Variants in RPA1 observed in about 807,000 individuals in gnomAD.
RPA1 encodes replication protein A 70 kDa DNA-binding subunit.
In RPA1, 49 loss-of-function variants were observed where a neutral mutation model predicts 83.0. That is an observed-to-expected ratio of 0.59 (90% CI 0.47 to 0.75). The LOEUF is 0.75. Among genes scored for constraint, RPA1 ranks in the 30% least tolerant of loss-of-function variants. RPA1 has a pLI of 0.00. For missense variants in RPA1, 693 were observed against 776.1 expected (o/e 0.89, Z 1.27); for synonymous variants, 279 against 281.8 (o/e 0.99, Z 0.10).
At chr17:1,874,042 C>T (rs1208623607) in intron 6 of RPA1, among the ~76,000 whole-genome samples, 5 of 141,660 alleles carry the variant, frequency 3.5e-5, no homozygotes, top group African/African-American at 1.1e-4. Flanking sequence ...TACACACACA[C>T]ACACACACAC....
At position 1,877,203 on chromosome 17, in the gene RPA1, G is replaced by T; in HGVS notation, c.588-9G>T. The T allele has an allele frequency of 6.2e-7, 1 of 1,613,124 alleles. No individual in the cohort carries two copies. Among genetic ancestry groups the T allele is most frequent in the Non-Finnish European group, 8.5e-7 (1 of 1,179,098 alleles). ...CCCCATACACTAATATGATCGATTT[G>T]GTTTGTAGGTGGACCATTTGTGCTC... is the stretch of plus-strand genomic sequence containing the variant. On this transcript the variant is annotated splice_polypyrimidine_tract_variant and intron_variant, in intron 7 of 16. Transcript: ENST00000254719.
chr17:1,872,353 C>G, intron 5 of RPA1, 81 bp from the exon 6 acceptor site: 1 of 1,550,134 alleles, frequency 6.5e-7, no homozygotes, highest in South Asian at 1.2e-5. Context: ...TACACTTTCC[C>G]AGAGCATTCC....
At chr17:1,851,004 G>A (rs1243110819) in intron 4 of RPA1, among the ~76,000 whole-genome samples, 1 of 152,108 alleles carries the variant, frequency 6.6e-6, no homozygotes, top group Non-Finnish European at 1.5e-5. Context: ...ATACACAGTA[G>A]TCTGATGAAT....
At chr17:1,849,422 A>G (rs1220998407) in intron 4 of RPA1, among the ~76,000 whole-genome samples, 2 of 149,964 alleles carry the variant, frequency 1.3e-5, no homozygotes, top group Non-Finnish European at 3.0e-5. Flanking sequence ...CCTCCCCAGT[A>G]GCTGGGACTA....
chr17:1,842,047 A>T (rs563887008), intron 1 of RPA1, among the ~76,000 whole-genome samples: 23 of 151,938 alleles, frequency 1.5e-4, no homozygotes, highest in Non-Finnish European at 2.6e-4. Flanking sequence ...TTTTAAACAG[A>T]GTCTCGCTAT....
rs750267989 is a variant in RPA1, at chr17:1,844,035, T to C, written c.163+37T>C. 15 of 1,578,646 alleles carry C rather than the reference T, an allele frequency of 9.5e-6. No homozygotes were observed. In the South Asian group the frequency reaches 1.6e-4, roughly 16 times the overall value. ...GTATCCATCTAGAAATGTGTGAGTA[T>C]TTAAATAGTAGAAGCACACCTGGTC... On this transcript the variant is annotated intron_variant, in intron 3 of 16. Coordinates refer to ENST00000254719, the MANE Select transcript of RPA1 (RefSeq NM_002945.5).
At chr17:1,840,076 A>T (rs919189367) in intron 1 of RPA1, among the ~76,000 whole-genome samples, 6 of 151,534 alleles carry the variant, frequency 4.0e-5, no homozygotes, top group Admixed American at 6.6e-5. Context: ...CTTTGCATAC[A>T]CTGAAGTATA....
At chr17:1,888,245 G>A (rs1914067175) in intron 13 of RPA1, among the ~76,000 whole-genome samples, 1 of 152,202 alleles carries the variant, frequency 6.6e-6, no homozygotes, top group Non-Finnish European at 1.5e-5. Flanking sequence ...GAGCGCGGGA[G>A]GGATGGTTGA....
chr17:1,862,717 C>CTTTTTT (rs71150827), intron 5 of RPA1, among the ~76,000 whole-genome samples: 6 of 51,786 alleles, frequency 1.2e-4, no homozygotes, highest in African/African-American at 2.2e-4. Flanking sequence ...CTGTGCCCAG[C>CTTTTTT]TTTTTTTTTT....
At chr17:1,883,679 A>G (rs1176207660) in intron 12 of RPA1, 133 bp from the exon 13 acceptor site, 4 of 863,552 alleles carry the variant, frequency 4.6e-6, no homozygotes, top group African/African-American at 1.7e-5. Flanking sequence ...TTCAGCCGAC[A>G]TGACCGTGAC....
chr17:1,872,526 G>C lies in RPA1; in HGVS notation c.454G>C (p.Gly152Arg). 2 of 1,613,484 alleles carry C rather than the reference G, an allele frequency of 1.2e-6. No homozygotes were observed. Among genetic ancestry groups the C allele is most frequent in the Admixed American group, 1.7e-5 (1 of 59,982 alleles). Residue 152 changes from glycine to arginine, a missense_variant and splice_region_variant, in exon 6 of 17, where the codon GGT (glycine) becomes CGT (arginine). Gly to Arg is a moderately radical substitution (Grantham distance 125). Coordinates refer to ENST00000254719, the MANE Select transcript of RPA1 (RefSeq NM_002945.5). ...PQPQNGSSGM[G>R]STVSKAYGAS... ...GCCGCAGAATGGAAGCTCGGGAATGGGTGAGATGCCTCACGGGGCGTGCGC... is the reference window on the plus strand; with the variant it reads ...GCCGCAGAATGGAAGCTCGGGAATGCGTGAGATGCCTCACGGGGCGTGCGC...
At chr17:1,846,854 A>G (rs988779750) in intron 4 of RPA1, among the ~76,000 whole-genome samples, 1 of 152,084 alleles carries the variant, frequency 6.6e-6, no homozygotes, top group Admixed American at 6.5e-5. Flanking sequence ...GTAATAGTAC[A>G]GTTTTTAGTT....
chr17:1,882,728 T>G (rs1039846910), intron 12 of RPA1, among the ~76,000 whole-genome samples: 4 of 152,210 alleles, frequency 2.6e-5, no homozygotes. Flanking sequence ...GAAACACTTT[T>G]GCTACCACGG....
At chr17:1,865,349 G>T (rs2151280971) in intron 5 of RPA1, among the ~76,000 whole-genome samples, 1 of 152,276 alleles carries the variant, frequency 6.6e-6, no homozygotes, top group Middle Eastern at 3.4e-3. Context: ...TAAGTACATA[G>T]ATCGTGTGAG....
Position 1,842,816 on chromosome 17 carries a change from A to G in RPA1, c.47A>G (p.Lys16Arg). 1 of 1,614,132 alleles carries G rather than the reference A, an allele frequency of 6.2e-7. No homozygotes were observed. Among genetic ancestry groups the G allele is most frequent in the African/African-American group, 1.3e-5 (1 of 75,054 alleles). The change falls in exon 2 of 17, where the codon AAG (lysine) becomes AGG (arginine). Residue 16 changes from lysine to arginine, a missense_variant. Physicochemically the swap from Lys to Arg is conservative, Grantham distance 26. Transcript: ENST00000254719. ...TTACTCCCTCAGGCCATCATGCAGA[A>G]GGGGGATACAAACATAAAGCCCATC... ...SEGAIAAIMQ[K>R]GDTNIKPILQ...
intron 14 of RPA1, among the ~76,000 whole-genome samples, chr17:1,890,460 A>G (rs1042511441): frequency 1.3e-5 from 2 of 152,164 alleles, no homozygotes; most frequent in African/African-American, 4.8e-5. Context: ...CAGGAGATCG[A>G]GATCATCTTG....
At chr17:1,882,498 T>C (rs536017930) in intron 12 of RPA1, among the ~76,000 whole-genome samples, 80 of 151,734 alleles carry the variant, frequency 5.3e-4, no homozygotes, top group African/African-American at 1.8e-3. Context: ...CTACAAAAAA[T>C]ACAAAAATCA....
chr17:1,889,803 C>A (rs939721637), intron 14 of RPA1, among the ~76,000 whole-genome samples: 2 of 151,768 alleles, frequency 1.3e-5, no homozygotes, highest in South Asian at 4.2e-4. Context: ...AGTTTGAGAC[C>A]AGCCTGGCCA....
chr17:1,893,860 CTTT>C (rs950190476), intron 15 of RPA1, among the ~76,000 whole-genome samples: 9 of 151,622 alleles, frequency 5.9e-5, no homozygotes, highest in Non-Finnish European at 1.2e-4. Context: ...AGTGTTTTTC[CTTT>C]TTTTCTTTTT....
Sources: gnomAD v4.1 joint callset for allele counts (sites outside exome capture counted in the v4.1 genomes callset) on GRCh38, gnomAD v4.1.1 for gene constraint, MANE v1.5 for transcripts, NCBI Gene and HGNC (gene_info 2026-07-23, HGNC 2026-07-21) for gene names.